The following ATL2 variants were observed in gnomAD, a reference collection of about 807,000 sequenced individuals.
ATL2 encodes the protein atlastin-2.
ATL2 carries 31 observed loss-of-function variants against 73.9 expected under a neutral mutation model. The observed-to-expected ratio is 0.42, with a 90% CI of 0.32 to 0.57. The LOEUF (loss-of-function observed/expected upper bound fraction) is 0.57, where lower values mean the gene tolerates loss of function less well. ATL2 is among the 20% of genes least tolerant of loss of function. The probability of loss-of-function intolerance (pLI) is 0.14; values close to 1 mark genes in which losing one functional copy is unlikely to be tolerated. For synonymous variants in ATL2, 291 were observed against 237.5 expected (o/e 1.23, Z -2.07); for missense variants, 738 against 702.6 (o/e 1.05, Z -0.57).
chr2:38,323,832 C>T (rs1668457539), intron 2 of ATL2, among the ~76,000 whole-genome samples: 1 of 152,154 alleles, frequency 6.6e-6, no homozygotes, highest in Admixed American at 6.5e-5. Flanking sequence ...GGTTGGTTGT[C>T]CTGCCAGGCC....
chr2:38,348,251 A>G (rs925758059), intron 1 of ATL2, among the ~76,000 whole-genome samples: 3 of 151,938 alleles, frequency 2.0e-5, no homozygotes, highest in Non-Finnish European at 4.4e-5. Flanking sequence ...CGGATCACCT[A>G]AAGTCAGGAG....
chr2:38,315,316 T>C lies in ATL2; in HGVS notation c.622A>G (p.Asn208Asp). ...TGTTGAAGATCATCTTCTTGAATAT[T>C]CTGAGACAGATTATATACCTGTTGA... The part of the protein sequence containing the change: ...SSVQVYNLSQ[N>D]IQEDDLQHLQ... The change falls in exon 5 of 13, where the codon AAT (asparagine) becomes GAT (aspartate). Residue 208 changes from asparagine (N) to aspartate (D), a missense_variant. Coordinates refer to ENST00000378954, the MANE Select transcript of ATL2 (RefSeq NM_001135673.4). The C allele has an allele frequency of 6.7e-7, 1 of 1,497,546 alleles. No individual in the cohort carries two copies. Among genetic ancestry groups the C allele is most frequent in the Non-Finnish European group, 8.8e-7 (1 of 1,133,766 alleles). 92.8% of individuals were successfully genotyped at this position (1,497,546 alleles called of 1,614,324 possible).
At chr2:38,314,485 G>A (rs1245382958) in intron 6 of ATL2, 123 bp downstream of exon 6, 5 of 629,992 alleles carry the variant, frequency 7.9e-6, no homozygotes, top group East Asian at 5.7e-5. Context: ...AGTTTCGATT[G>A]CACTGAATCT....
intron 1 of ATL2, among the ~76,000 whole-genome samples, chr2:38,363,734 C>A (rs1189794371): frequency 1.3e-5 from 2 of 152,186 alleles, no homozygotes; most frequent in Non-Finnish European, 2.9e-5. Context: ...CTACTTCACA[C>A]TGGTAACTAG....
At chr2:38,367,695 C>T (rs536172714) in intron 1 of ATL2, among the ~76,000 whole-genome samples, 1 of 148,028 alleles carries the variant, frequency 6.8e-6, no homozygotes, top group Non-Finnish European at 1.5e-5. Flanking sequence ...TGCAATGGCG[C>T]GATCTCGGCT....
intron 10 of ATL2, 22 bp from the exon 11 acceptor site, chr2:38,299,349 T>A (rs1273167185): frequency 2.0e-6 from 3 of 1,517,594 alleles, no homozygotes; most frequent in Middle Eastern, 1.7e-4. Context: ...AATATGCCAT[T>A]ATTATGCAAA....
In ATL2 at chr2:38,301,159, G is replaced by A. The variant is rs374764980; in HGVS notation, c.1072-831C>T. On this transcript the variant is annotated intron_variant, in intron 9 of 12. Coordinates refer to ENST00000378954, the MANE Select transcript of ATL2 (RefSeq NM_001135673.4). Reference sequence around the variant, plus strand: ...CTAATTTCGTATTTTTAGGAGAGACGGGGTTTCACCACGTTGGCCAGGCTG... The same window carrying A: ...CTAATTTCGTATTTTTAGGAGAGACAGGGTTTCACCACGTTGGCCAGGCTG... Among the ~76,000 whole-genome samples, 11 of 152,096 alleles carry A rather than the reference G, an allele frequency of 7.2e-5. No homozygotes were observed. In the East Asian group the frequency reaches 7.8e-4, roughly 11 times the overall value.
At chr2:38,350,152 TATAGA>T (rs1670256855) in intron 1 of ATL2, among the ~76,000 whole-genome samples, 1 of 152,238 alleles carries the variant, frequency 6.6e-6, no homozygotes, top group African/African-American at 2.4e-5. Context: ...ACGTCCTGTG[TATAGA>T]ATAGTGATTT....
chr2:38,315,041 T>C (rs555371512), intron 5 of ATL2, among the ~76,000 whole-genome samples: 1 of 152,266 alleles, frequency 6.6e-6, no homozygotes, highest in Admixed American at 6.5e-5. Context: ...CACCCAAGGT[T>C]AGAAGTTCAA....
At chr2:38,376,245 C>CTAT in intron 1 of ATL2, 1 of 1,443,564 alleles carries the variant, frequency 6.9e-7, no homozygotes, top group Non-Finnish European at 9.2e-7. Context: ...ACGCTAAACT[C>CTAT]CTATAAATAG....
At chr2:38,324,387 C>A (rs1195694930) in intron 2 of ATL2, among the ~76,000 whole-genome samples, 1 of 152,174 alleles carries the variant, frequency 6.6e-6, no homozygotes, top group African/African-American at 2.4e-5. Flanking sequence ...AAAACTAGTA[C>A]CTAATCAGGA....
intron 2 of ATL2, among the ~76,000 whole-genome samples, chr2:38,330,233 C>A (rs1182033413): frequency 6.1e-5 from 8 of 130,668 alleles, no homozygotes; most frequent in African/African-American, 1.8e-4. Context: ...AAAAAAAAAA[C>A]TCCCAGCACA....
At chr2:38,372,686 T>C (rs1460698429) in intron 1 of ATL2, among the ~76,000 whole-genome samples, 5 of 152,234 alleles carry the variant, frequency 3.3e-5, no homozygotes, top group African/African-American at 1.2e-4. Flanking sequence ...CTTATGTTAA[T>C]AACTGAACAA....
intron 3 of ATL2, 108 bp from the exon 4 acceptor site, chr2:38,318,747 T>C (rs1668163535): frequency 7.7e-7 from 1 of 1,305,804 alleles, no homozygotes; most frequent in Non-Finnish European, 1.1e-6. Flanking sequence ...AGAAAAGTAC[T>C]TATATCTCAT....
At chr2:38,363,866 A>G (rs994450718) in intron 1 of ATL2, among the ~76,000 whole-genome samples, 3 of 152,252 alleles carry the variant, frequency 2.0e-5, no homozygotes, top group Non-Finnish European at 4.4e-5. Context: ...TTTGAGTACA[A>G]AAGTAGCCCT....
At chr2:38,376,193 C>T (rs1671952794) in intron 1 of ATL2, 1 of 1,520,770 alleles carries the variant, frequency 6.6e-7, no homozygotes, top group African/African-American at 1.4e-5. Context: ...AATTTTCAAT[C>T]AGGATTTCAT....
chr2:38,309,477 G>T lies in ATL2; in HGVS notation c.973C>A (p.Arg325=). ...DIDEDFKREL[R]NLVPLLLAPE... ...GCAAGCAGCAATGGAACCAGATTTC[G>T]AAGCTCTCGTTTAAAGTCTTCATCA... The change falls in exon 9 of 13, where the codon CGA becomes AGA. Residue 325 remains arginine (R), a synonymous_variant. Coordinates refer to ENST00000378954, the MANE Select transcript of ATL2 (RefSeq NM_001135673.4). 1.2e-6 allele frequency: 2 copies of T among 1,612,296 alleles called. No homozygotes were observed. Among genetic ancestry groups the T allele is most frequent in the Non-Finnish European group, 1.7e-6 (2 of 1,179,600 alleles).
At chr2:38,368,550 C>A (rs1671485505) in intron 1 of ATL2, among the ~76,000 whole-genome samples, 1 of 152,164 alleles carries the variant, frequency 6.6e-6, no homozygotes, top group Non-Finnish European at 1.5e-5. Flanking sequence ...CTGCACCCAG[C>A]CATAACAACT....
chr2:38,346,261 T>C (rs1670010464), intron 1 of ATL2, among the ~76,000 whole-genome samples: 1 of 152,218 alleles, frequency 6.6e-6, no homozygotes, highest in African/African-American at 2.4e-5. Context: ...CACTGTAGCA[T>C]CTAACTGGTT....
Sources: allele counts gnomAD v4.1 joint callset (sites outside exome capture counted in the v4.1 genomes callset), GRCh38; gene constraint gnomAD v4.1.1; transcripts MANE v1.5; gene names NCBI Gene and HGNC (gene_info 2026-07-23, HGNC 2026-07-21).